ABCA3: variants seen among roughly 807,000 people sequenced by gnomAD.
ABCA3 encodes ATP binding cassette subfamily A member 3, also known as phospholipid-transporting ATPase ABCA3.
Under a neutral mutation model 172.8 loss-of-function variants are expected in ABCA3, and 88 were observed. The ratio of observed to expected loss-of-function variants is 0.51; its 90% confidence interval spans 0.43 to 0.61. ABCA3 has a LOEUF of 0.61. ABCA3 is among the 20% of genes least tolerant of loss of function. The probability of loss-of-function intolerance (pLI) is 0.00; values close to 1 mark genes in which losing one functional copy is unlikely to be tolerated. For missense variants in ABCA3, 2,164 were observed against 2,301.0 expected, an observed-to-expected ratio of 0.94 and a Z score of 1.22; for synonymous variants, 1,066 against 983.8, an observed-to-expected ratio of 1.08 and a Z score of -1.56.
chr16:2,320,605 G>A (rs1473413284), intron 7 of ABCA3, among the ~76,000 whole-genome samples: 2 of 151,530 alleles, frequency 1.3e-5, no homozygotes, highest in Non-Finnish European at 2.9e-5. Context: ...CACTATGTTG[G>A]CCAGGCTGGT....
At position 2,277,935 on chromosome 16, in the gene ABCA3, T is replaced by C. The variant is rs751853963; in HGVS notation, c.4853A>G (p.Glu1618Gly). The C allele has an allele frequency of 6.2e-7, 1 of 1,611,780 alleles. No homozygotes were observed. The highest frequency in any genetic ancestry group is 8.5e-7 in the Non-Finnish European group (1 of 1,179,988). Residue 1618 changes from glutamate to glycine, a missense_variant, in exon 31 of 33, where the codon GAA becomes GGA. Glu to Gly is a moderately conservative substitution (Grantham distance 98). Transcript: ENST00000301732. This position sits in a 1 kb window ranked among gnomAD's most constrained non-coding sequence, Gnocchi z 5.3. ...GYSLRAKVQS[E>G]GQQEALEEFK... is the part of the protein sequence containing the mutation. The stretch of plus-strand genomic sequence containing the variant: ...CTCCTCCAGCGCCTCCTGTTGCCCT[T>C]CACTCTGCACCTTGGCCCGCAGGGA...
Position 2,284,628 on chromosome 16 carries a change from C to A in ABCA3, c.3703+151G>T. The stretch of plus-strand genomic sequence containing the variant: ...ACGCCTGCCCACCAGTCATGGCTAG[C>A]CGGGCAGGGCCAGCTGGGGCAGAGG... On this transcript the variant is annotated intron_variant, in intron 24 of 32. Transcript: ENST00000301732. The surrounding 1 kb of genome is among the most constrained non-coding windows in gnomAD (Gnocchi z 5.9). 8.3e-7 allele frequency: 1 copy of A among 1,211,772 alleles called. No individual in the cohort carries two copies. Among genetic ancestry groups the A allele is most frequent in the Non-Finnish European group, 1.2e-6 (1 of 855,398 alleles). The allele number at this position is 1,211,772 out of a possible 1,614,324, so 75.1% of individuals were successfully genotyped here.
intron 10 of ABCA3, among the ~76,000 whole-genome samples, chr16:2,316,140 GAAAA>G (rs534232946): frequency 4.3e-3 from 251 of 57,814 alleles, no homozygotes; most frequent in African/African-American, 0.016. Flanking sequence ...AACATGGTGA[GAAAA>G]AAAAAAAAAA....
chr16:2,307,791 G>C (rs767883184), intron 11 of ABCA3, among the ~76,000 whole-genome samples: 18 of 152,158 alleles, frequency 1.2e-4, no homozygotes, highest in Non-Finnish European at 1.9e-4. Flanking sequence ...GTTTTTAGTA[G>C]AGACAGGGTT....
Position 2,308,505 on chromosome 16 carries a change from C to G in ABCA3, c.1230G>C (p.Leu410=). ...CTCCCATTGCCATGGCGACATTAGACAGGAGGCAGGAGCAGAGCTTCTGGC... is the reference window on the plus strand; with the variant it reads ...CTCCCATTGCCATGGCGACATTAGAGAGGAGGCAGGAGCAGAGCTTCTGGC... ...TLSQKLCSCL[L]SNVAMAMGAQ... Residue 410 remains leucine (L), a synonymous_variant, in exon 11 of 33, where the codon CTG becomes CTC. Transcript: ENST00000301732. 1 of 1,614,230 alleles carries G rather than the reference C, an allele frequency of 6.2e-7. No homozygotes were observed. The highest frequency in any genetic ancestry group is 8.5e-7 in the Non-Finnish European group (1 of 1,180,040).
intron 11 of ABCA3, 106 bp from the exon 12 acceptor site, chr16:2,304,256 C>T: frequency 1.6e-6 from 2 of 1,216,364 alleles, no homozygotes; most frequent in Non-Finnish European, 2.4e-6. Flanking sequence ...TGCATGGCCA[C>T]TGCTTGGTTG....
In ABCA3 at chr16:2,276,586, G is replaced by C; in HGVS notation, c.*88C>G. The C allele has an allele frequency of 6.3e-7, 1 of 1,575,214 alleles. No homozygotes were observed. The highest frequency in any genetic ancestry group is 1.1e-5 in the South Asian group (1 of 88,780). On this transcript the variant is annotated 3_prime_UTR_variant, in exon 33 of 33. Transcript: ENST00000301732. ...ATAGAAAAAAGTGATTAAAAATAAA[G>C]GATGAGATAAACTTGGAGAGAGAGG... is the stretch of plus-strand genomic sequence containing the variant.
rs1251155604 is a variant in ABCA3, at chr16:2,281,350, G to C, written c.4164+31C>G. On this transcript the variant is annotated intron_variant, in intron 27 of 32. Coordinates refer to ENST00000301732, the MANE Select transcript of ABCA3 (RefSeq NM_001089.3). This position sits in a 1 kb window ranked among gnomAD's most constrained non-coding sequence, Gnocchi z 4.7. ...GGGACAGCCAGGTAGTCAGCTGGCA[G>C]GAAGGACTCCACCCCAAATTGCAAG... The C allele has an allele frequency of 5.0e-6, 8 of 1,613,474 alleles. No homozygotes were observed. The highest frequency in any genetic ancestry group is 6.8e-6 in the Non-Finnish European group (8 of 1,179,920).
rs140778917 is a variant in ABCA3 at position 2,326,180 on chromosome 16, T to C, written c.149A>G (p.Asn50Ser). 2 of 1,614,060 alleles carry C rather than the reference T, an allele frequency of 1.2e-6. No homozygotes were observed. The highest frequency in any genetic ancestry group is 1.7e-6 in the Non-Finnish European group (2 of 1,180,012). The change falls in exon 5 of 33, where the codon AAT becomes AGT. Residue 50 changes from asparagine (N) to serine (S), a missense_variant. By Grantham distance (46) the Asn-to-Ser change is conservative. Coordinates refer to ENST00000301732, the MANE Select transcript of ABCA3 (RefSeq NM_001089.3). Reference sequence around the variant, plus strand: ...CGGGTAGATGGTGGCGTTGGGCACATTTTCCGACTGAATCTTCAAGCGGAG... The same window carrying C: ...CGGGTAGATGGTGGCGTTGGGCACACTTTCCGACTGAATCTTCAAGCGGAG... ...IWLRLKIQSE[N>S]VPNATIYPGQ... is the part of the protein sequence containing the mutation.
Position 2,300,112 on chromosome 16 carries a change from C to G in ABCA3, c.1504G>C (p.Gly502Arg), listed in dbSNP as rs2093686630. The G allele has an allele frequency of 6.2e-7, 1 of 1,613,590 alleles. No homozygotes were observed. Among genetic ancestry groups the G allele is most frequent in the Non-Finnish European group, 8.5e-7 (1 of 1,179,956 alleles). ...YWCGKPRAVA[G>R]KEEEDSDPEK... ...GGGTCACTGTCTTCTTCCTCCTTCC[C>G]TGCAACCGCCCTTGGCTTCCCACAC... The change falls in exon 13 of 33, where the codon GGG (glycine) becomes CGG (arginine). Residue 502 changes from glycine to arginine, a missense_variant. Coordinates refer to ENST00000301732, the MANE Select transcript of ABCA3 (RefSeq NM_001089.3).
chr16:2,295,615 T>C lies in ABCA3; in HGVS notation c.2389A>G (p.Ile797Val), dbSNP rs771737921. The change falls in exon 18 of 33, where the codon ATC (isoleucine) becomes GTC (valine). Residue 797 changes from isoleucine (I) to valine (V), a missense_variant. By Grantham distance (29) the Ile-to-Val change is conservative. This residue lies in a region of ABCA3 where 1,343 missense variants were observed against 1,369.6 expected (regional missense o/e 0.98). Transcript: ENST00000301732. ...ESSAGAELSF[I>V]LPRESTHRFE... ...CTGTGCGTGCTCTCTCTGGGAAGGA[T>C]GAAAGACAGCTCGGCCCCAGCGCTG... The C allele has an allele frequency of 1.9e-6, 3 of 1,613,720 alleles. No homozygotes were observed. Among genetic ancestry groups the C allele is most frequent in the African/African-American group, 1.3e-5 (1 of 74,954 alleles).
rs771125877 is a variant in ABCA3 at position 2,286,936 on chromosome 16, A to C, written c.3036T>G (p.Ala1012=). 6 of 1,613,684 alleles carry C rather than the reference A, an allele frequency of 3.7e-6. No homozygotes were observed. In the African/African-American group the frequency reaches 6.7e-5, roughly 18 times the overall value. Residue 1012 remains alanine (A), a synonymous_variant, in exon 22 of 33, where the codon GCT becomes GCG. Coordinates refer to ENST00000301732, the MANE Select transcript of ABCA3 (RefSeq NM_001089.3). This position sits in a 1 kb window ranked among gnomAD's most constrained non-coding sequence, Gnocchi z 5.2. ...GDLEEFLIFR[A]SVEGGGFNER... is the part of the protein sequence containing the mutation. ...CATTAAAGCCGCCCCCCTCCACAGA[A>C]GCCCTGAAGATCAAGAACTCCTCCA...
In ABCA3 at chr16:2,284,430, T is replaced by C. The variant is rs2093659627; in HGVS notation, c.3711A>G (p.Lys1237=). ...MVTIMRIPAV[K]LEELSKTLDH... ...CCAGGGTTTTGGAAAGTTCTTCCAG[T>C]TTTACAGCTGCGTTGGGGAGGTAAG... Residue 1237 remains lysine, a synonymous_variant, in exon 25 of 33, where the codon AAA becomes AAG. Coordinates refer to ENST00000301732, the MANE Select transcript of ABCA3 (RefSeq NM_001089.3). This position sits in a 1 kb window ranked among gnomAD's most constrained non-coding sequence, Gnocchi z 5.9. The C allele has an allele frequency of 6.2e-7, 1 of 1,613,612 alleles. No individual in the cohort carries two copies. The highest frequency in any genetic ancestry group is 1.1e-5 in the South Asian group (1 of 91,090).
At chr16:2,320,103 C>CT (rs749516135) in intron 7 of ABCA3, among the ~76,000 whole-genome samples, 180 of 145,610 alleles carry the variant, frequency 1.2e-3, no homozygotes, top group Admixed American at 1.4e-3. Flanking sequence ...CACATGATCA[C>CT]TTTTTTTTTT....
rs765093811 is a variant in ABCA3, at chr16:2,283,160, T to C, written c.4035+26A>G. ...AGAGACGTGGGGAGCATCTCGCCAG[T>C]GTCCTGGGCTCCCGGAGCCACTCAC... is the stretch of plus-strand genomic sequence containing the variant. On this transcript the variant is annotated intron_variant, in intron 26 of 32. Transcript: ENST00000301732. The surrounding 1 kb of genome is among the most constrained non-coding windows in gnomAD (Gnocchi z 5.4). 6.2e-7 allele frequency: 1 copy of C among 1,609,708 alleles called. No homozygotes were observed. Among genetic ancestry groups the C allele is most frequent in the Non-Finnish European group, 8.5e-7 (1 of 1,178,390 alleles).
At chr16:2,301,101 G>A (rs1347701127) in intron 12 of ABCA3, among the ~76,000 whole-genome samples, 4 of 151,572 alleles carry the variant, frequency 2.6e-5, no homozygotes, top group East Asian at 1.9e-4. Flanking sequence ...CGTGGTGGTG[G>A]GCGCCTATAG....
At chr16:2,291,797 A>T (rs1387578516) in intron 19 of ABCA3, among the ~76,000 whole-genome samples, 1 of 152,112 alleles carries the variant, frequency 6.6e-6, no homozygotes, top group Admixed American at 6.5e-5. Context: ...TCCTCGGCTG[A>T]GCACGGTGCC....
rs770148420 is a variant in ABCA3 at position 2,304,001 on chromosome 16, C to T, written c.1435G>A (p.Gly479Ser). ...AAGAAGTACCAGGGCTGAGGCACGC[C>T]GAACTGCCCTGGGAAGACGGCCTCC... ...YMEAVFPGQF[G>S]VPQPWYFFIM... Residue 479 changes from glycine (G) to serine (S), a missense_variant, in exon 12 of 33, where the codon GGC becomes AGC. By Grantham distance (56) the Gly-to-Ser change is moderately conservative. Transcript: ENST00000301732. 33 of 1,614,016 alleles carry T rather than the reference C, an allele frequency of 2.0e-5. No individual in the cohort carries two copies. Among genetic ancestry groups the T allele is most frequent in the Middle Eastern group, 1.6e-4 (1 of 6,084 alleles).
In ABCA3 at chr16:2,298,509, G is replaced by A. The variant is rs777937901; in HGVS notation, c.1773C>T (p.Tyr591=). The change falls in exon 15 of 33, where the codon TAC becomes TAT. Residue 591 remains tyrosine, a synonymous_variant. Coordinates refer to ENST00000301732, the MANE Select transcript of ABCA3 (RefSeq NM_001089.3). ...CCTGGGAAATTTCATACCCGCTGAT[G>A]TATGCCCGTCCACTGGTGGGGGGAA... ...GLFPPTSGRA[Y]ISGYEISQDM... 9.9e-6 allele frequency: 16 copies of A among 1,613,944 alleles called. No individual in the cohort carries two copies. The South Asian group carries it at 1.8e-4, about 18-fold the overall frequency.
Sources: gnomAD v4.1 joint callset for allele counts (sites outside exome capture counted in the v4.1 genomes callset) on GRCh38, gnomAD v4.1.1 for gene constraint, gnomAD v4.1.1 regional missense constraint, Gnocchi (gnomAD v3.1) non-coding constraint, MANE v1.5 for transcripts, NCBI Gene and HGNC (gene_info 2026-07-23, HGNC 2026-07-21) for gene names.